SZT2: variants seen among roughly 807,000 people sequenced by gnomAD.
The protein encoded by SZT2 is SZT2 subunit of KICSTOR complex, also known as KICSTOR complex protein SZT2.
SZT2 carries 216 observed loss-of-function variants against 404.2 expected under a neutral mutation model. The ratio of observed to expected loss-of-function variants is 0.53; its 90% CI spans 0.48 to 0.60. The LOEUF is 0.60. SZT2 is among the 20% of genes least tolerant of loss of function. The pLI is 0.00. For missense variants in SZT2, 3,857 were observed against 4,459.2 expected, an observed-to-expected ratio of 0.86 and a Z score of 3.85; for synonymous variants, 1,693 against 1,749.9, an observed-to-expected ratio of 0.97 and a Z score of 0.81.
At position 43,450,097 on chromosome 1, in the gene SZT2, C is replaced by G; in HGVS notation, c.10087-6C>G. The G allele has an allele frequency of 1.2e-6, 2 of 1,614,140 alleles. No homozygotes were observed. The highest frequency in any genetic ancestry group is 2.7e-5 in the African/African-American group (2 of 75,036). Reference sequence around the variant, plus strand: ...GTCTGTGTCCCCTCCTCATCTTTCACTGCAGGTTGTGCTGAATCAGAAGTT... The same window carrying G: ...GTCTGTGTCCCCTCCTCATCTTTCAGTGCAGGTTGTGCTGAATCAGAAGTT... On this transcript the variant is annotated splice_polypyrimidine_tract_variant and splice_region_variant and intron_variant, in intron 70 of 71. Coordinates refer to ENST00000634258, the MANE Select transcript of SZT2 (RefSeq NM_001365999.1). The surrounding 1 kb of genome is among the most constrained non-coding windows in gnomAD (Gnocchi z 4.3).
Position 43,440,470 on chromosome 1 carries a change from T to C in SZT2, c.7228T>C (p.Ser2410Pro), listed in dbSNP as rs1453249209. ...DTPTGSLRNG[S>P]LETKSSAGRA... ...GTCCACAGGAAGTCTCAGGAACGGA[T>C]CGTTGGAAACTAAGAGCTCTGCAGG... Residue 2410 changes from serine (S) to proline (P), a missense_variant, in exon 52 of 72, where the codon TCG becomes CCG. Ser to Pro is a moderately conservative substitution (Grantham distance 74). Transcript: ENST00000634258. The C allele has an allele frequency of 6.2e-7, 1 of 1,601,218 alleles. No homozygotes were observed. Among genetic ancestry groups the C allele is most frequent in the Non-Finnish European group, 8.5e-7 (1 of 1,174,370 alleles).
intron 1 of SZT2, among the ~76,000 whole-genome samples, chr1:43,395,340 C>T (rs1481574884): frequency 6.6e-6 from 1 of 152,140 alleles, no homozygotes; most frequent in African/African-American, 2.4e-5. Context: ...CTCTGTCATC[C>T]AGGCTGGAGT....
chr1:43,400,482 C>A (rs1387140384), intron 1 of SZT2, among the ~76,000 whole-genome samples: 1 of 152,232 alleles, frequency 6.6e-6, no homozygotes, highest in Non-Finnish European at 1.5e-5. Flanking sequence ...TCTGAGCCTA[C>A]ACTTACTACT....
chr1:43,399,612 C>T (rs896070652), intron 1 of SZT2, among the ~76,000 whole-genome samples: 1 of 151,922 alleles, frequency 6.6e-6, no homozygotes, highest in Non-Finnish European at 1.5e-5. Flanking sequence ...CAGGCACCCG[C>T]CACCACACCC....
At position 43,437,978 on chromosome 1, in the gene SZT2, C is replaced by A. The variant is rs1654642371; in HGVS notation, c.6508+76C>A. ...CTCTGGGACTTCTCTTAGAACCTTG[C>A]AAGCATTACACTAGAAGTTATGTAA... On this transcript the variant is annotated intron_variant, in intron 46 of 71. Coordinates refer to ENST00000634258, the MANE Select transcript of SZT2 (RefSeq NM_001365999.1). This position sits in a 1 kb window ranked among gnomAD's most constrained non-coding sequence, Gnocchi z 5.3. The A allele has an allele frequency of 2.1e-6, 3 of 1,410,426 alleles. No individual in the cohort carries two copies. Among genetic ancestry groups the A allele is most frequent in the Non-Finnish European group, 3.0e-6 (3 of 1,000,390 alleles). The allele number at this position is 1,410,426 out of a possible 1,614,324, so 87.4% of individuals were successfully genotyped here. A position where few individuals can be genotyped will look rare whatever the true frequency, so the allele number is the denominator to read the frequency against.
chr1:43,411,646 G>A (rs573406564), intron 4 of SZT2, among the ~76,000 whole-genome samples: 3 of 152,038 alleles, frequency 2.0e-5, no homozygotes, highest in African/African-American at 7.2e-5. Context: ...CTGAGCTCCA[G>A]CACTGTCCAC....
intron 1 of SZT2, among the ~76,000 whole-genome samples, chr1:43,399,466 ATTTTT>A (rs58653132): frequency 4.1e-5 from 5 of 121,996 alleles, no homozygotes; most frequent in Non-Finnish European, 8.6e-5. Flanking sequence ...GCCAGAGGGA[ATTTTT>A]TTTTTTTTTT....
In SZT2 at chr1:43,431,068, G is replaced by A; in HGVS notation, c.4894G>A (p.Ala1632Thr). Residue 1632 changes from alanine (A) to threonine (T), a missense_variant, in exon 33 of 72, where the codon GCC becomes ACC. By Grantham distance (58) the Ala-to-Thr change is moderately conservative. Transcript: ENST00000634258. The stretch of plus-strand genomic sequence containing the variant: ...GCCCCTGGAAGTGGAGCTCCCCACG[G>A]CCTCGGACCCTCAGCACCACCGGTG... ...TLPLEVELPT[A>T]SDPQHHRSTS... 6.2e-7 allele frequency: 1 copy of A among 1,613,952 alleles called. No homozygotes were observed. Among genetic ancestry groups the A allele is most frequent in the Admixed American group, 1.7e-5 (1 of 59,968 alleles).
Position 43,431,104 on chromosome 1 carries a change from T to C in SZT2, c.4916+14T>C. ...TCAGCACCACCGGTGTGGCAGCAAG[T>C]TTGGTGGGGGGTTTGGGACCTTTTT... On this transcript the variant is annotated intron_variant, in intron 33 of 71. Transcript: ENST00000634258. The C allele has an allele frequency of 6.2e-7, 1 of 1,610,762 alleles. No homozygotes were observed. The highest frequency in any genetic ancestry group is 8.5e-7 in the Non-Finnish European group (1 of 1,178,820).
chr1:43,415,060 G>C, intron 4 of SZT2, 22 bp from the exon 5 acceptor site: 1 of 1,596,380 alleles, frequency 6.3e-7, no homozygotes. Context: ...TCCTGTCTCA[G>C]TCTTTCCCAT....
chr1:43,421,215 T>C lies in SZT2; in HGVS notation c.1538T>C (p.Phe513Ser), dbSNP rs1258863564. The C allele has an allele frequency of 1.3e-6, 2 of 1,598,334 alleles. No individual in the cohort carries two copies. Among genetic ancestry groups the C allele is most frequent in the East Asian group, 2.2e-5 (1 of 44,888 alleles). The change falls in exon 11 of 72, where the codon TTC becomes TCC. Residue 513 changes from phenylalanine (F) to serine (S), a missense_variant. By Grantham distance (155) the Phe-to-Ser change is radical (BLOSUM62 -2). This residue lies in a region of SZT2 where 39 missense variants were observed against 89.7 expected (regional missense o/e 0.43). Coordinates refer to ENST00000634258, the MANE Select transcript of SZT2 (RefSeq NM_001365999.1). ...TDQMLAHLQS[F>S]SSVPEHFTLP... is the part of the protein sequence containing the mutation. ...CAGATGCTTGCCCACCTTCAGTCCT[T>C]CTCCTCAGTGCCTGAGCATTTCACG...
intron 70 of SZT2, chr1:43,449,702 G>A (rs1029976533): frequency 1.0e-5 from 3 of 295,392 alleles, no homozygotes; most frequent in Non-Finnish European, 2.0e-5. Context: ...AAATCATCCC[G>A]GGATGGATCA....
rs1653623676 is a variant in SZT2, at chr1:43,429,707, G to A, written c.4171G>A (p.Glu1391Lys). 4 of 1,614,174 alleles carry A rather than the reference G, an allele frequency of 2.5e-6. No individual in the cohort carries two copies. The highest frequency in any genetic ancestry group is 3.4e-6 in the Non-Finnish European group (4 of 1,180,032). Residue 1391 changes from glutamate (E) to lysine (K), a missense_variant, in exon 29 of 72, where the codon GAG (glutamate) becomes AAG (lysine). By Grantham distance (56) the Glu-to-Lys change is moderately conservative. Transcript: ENST00000634258. ...ATCCTTACCCCAACCATTCAGCATA[G>A]AGACCGAGGACCTAAGCGAGCCTGA... ...RAILASESSI[E>K]TEDLSEPEFQ...
intron 1 of SZT2, chr1:43,393,923 A>C: frequency 5.6e-6 from 1 of 177,636 alleles, no homozygotes; most frequent in Non-Finnish European, 1.1e-5. Context: ...TCAATAAAGA[A>C]ACCGAGGCTT....
chr1:43,452,529 A>C lies in SZT2; in HGVS notation c.*2049A>C, dbSNP rs1570764583. On this transcript the variant is annotated 3_prime_UTR_variant, in exon 72 of 72. Coordinates refer to ENST00000634258, the MANE Select transcript of SZT2 (RefSeq NM_001365999.1). The stretch of plus-strand genomic sequence containing the variant: ...TTCCCAGACATCTCAGTGTCCACCC[A>C]CCGCCTCCTGCCTCCAGTACTTTCC... The C allele has an allele frequency of 1.5e-6, 1 of 660,338 alleles. No homozygotes were observed. The highest frequency in any genetic ancestry group is 2.7e-5 in the East Asian group (1 of 36,396). 40.9% of individuals were successfully genotyped at this position (660,338 alleles called of 1,614,324 possible).
Position 43,437,315 on chromosome 1 carries a change from T to C in SZT2, c.6179T>C (p.Val2060Ala). The change falls in exon 43 of 72, where the codon GTC (valine) becomes GCC (alanine). Residue 2060 changes from valine (V) to alanine (A), a missense_variant. Physicochemically the swap from Val to Ala is moderately conservative, Grantham distance 64. Transcript: ENST00000634258. The surrounding 1 kb of genome is among the most constrained non-coding windows in gnomAD (Gnocchi z 5.3). ...SRLKMGPSMG[V>A]SRAIQALRSV... ...CTCAAAATGGGGCCCAGCATGGGGG[T>C]CTCTCGGGGTATGTGATTGGCATGA... is the stretch of plus-strand genomic sequence containing the variant. The C allele has an allele frequency of 6.2e-7, 1 of 1,613,736 alleles. No individual in the cohort carries two copies. Among genetic ancestry groups the C allele is most frequent in the Non-Finnish European group, 8.5e-7 (1 of 1,179,934 alleles).
chr1:43,453,456 CG>C lies in SZT2; in HGVS notation c.*2980del. 1 of 1,563,652 alleles carries C rather than the reference CG, an allele frequency of 6.4e-7. No individual in the cohort carries two copies. ...CCCTCTCGGAAGGCCGCCTGTCTCC[CG>C]GGGACGGCCCCCAGCCCCATTTCCC... is the stretch of plus-strand genomic sequence containing the variant. On this transcript the variant is annotated 3_prime_UTR_variant, in exon 72 of 72. Transcript: ENST00000634258.
At position 43,453,000 on chromosome 1, in the gene SZT2, C is replaced by T. The variant is rs772802176; in HGVS notation, c.*2520C>T. On this transcript the variant is annotated 3_prime_UTR_variant, in exon 72 of 72. Transcript: ENST00000634258. ...AACTTCCTGCCCATCAAGCAATGCC[C>T]ACTCCTTGAAGACAGTCCAAGCATC... 1.3e-6 allele frequency: 2 copies of T among 1,564,902 alleles called. No individual in the cohort carries two copies. Among genetic ancestry groups the T allele is most frequent in the Non-Finnish European group, 8.8e-7 (1 of 1,139,332 alleles).
In SZT2 at chr1:43,450,374, A is replaced by G. The variant is rs779138970; in HGVS notation, c.10193A>G (p.Gln3398Arg). The change falls in exon 72 of 72, where the codon CAG (glutamine) becomes CGG (arginine). Residue 3398 changes from glutamine (Q) to arginine (R), a missense_variant. By Grantham distance (43) the Gln-to-Arg change is conservative. Transcript: ENST00000634258. This position sits in a 1 kb window ranked among gnomAD's most constrained non-coding sequence, Gnocchi z 4.3. ...GTTTTCCGAGAGCCCTTCCCAGTAC[A>G]GCCCCAGGACAGCGAGAGCCCCCCT... ...TVVFREPFPV[Q>R]PQDSESPPAQ... 1.2e-6 allele frequency: 2 copies of G among 1,613,886 alleles called. No homozygotes were observed. The highest frequency in any genetic ancestry group is 2.2e-5 in the East Asian group (1 of 44,852).
Sources: allele counts gnomAD v4.1 joint callset (sites outside exome capture counted in the v4.1 genomes callset), GRCh38; gene constraint gnomAD v4.1.1; regional missense constraint gnomAD v4.1.1; non-coding constraint Gnocchi (gnomAD v3.1); transcripts MANE v1.5; gene names NCBI Gene and HGNC (gene_info 2026-07-23, HGNC 2026-07-21).